The following CHRM3 variants were observed in gnomAD, a reference collection of about 807,000 sequenced individuals.
The protein encoded by CHRM3 is cholinergic receptor muscarinic 3.
Under a neutral mutation model 41.8 loss-of-function variants are expected in CHRM3, and 11 were observed. That is an observed-to-expected ratio of 0.26 (90% CI 0.17 to 0.44). The LOEUF is 0.44. Among genes scored for constraint, CHRM3 ranks in the 20% least tolerant of loss-of-function variants. The pLI, the probability that CHRM3 is intolerant of heterozygous loss-of-function variation, is 1.00. For synonymous variants in CHRM3, 297 were observed against 301.4 expected (o/e 0.99, Z 0.15); for missense variants, 571 against 745.4 (o/e 0.77, Z 2.72).
intron 5 of CHRM3, among the ~76,000 whole-genome samples, chr1:239,735,335 T>C (rs1444983859): frequency 6.6e-6 from 1 of 152,186 alleles, no homozygotes; most frequent in Non-Finnish European, 1.5e-5. Flanking sequence ...TACTGCCAGA[T>C]AGTCGTGTTC....
At chr1:239,679,119 A>G (rs1199528989) in intron 5 of CHRM3, among the ~76,000 whole-genome samples, 1 of 152,184 alleles carries the variant, frequency 6.6e-6, no homozygotes, top group Admixed American at 6.5e-5. Context: ...GTTTGTATAT[A>G]TAGTATGCAA....
At chr1:239,801,421 G>A (rs995537322) in intron 5 of CHRM3, among the ~76,000 whole-genome samples, 4 of 152,188 alleles carry the variant, frequency 2.6e-5, no homozygotes, top group African/African-American at 9.7e-5. Context: ...GATAAAGCAG[G>A]TTGATGCAAT....
chr1:239,402,298 G>T (rs562838039), intron 1 of CHRM3, among the ~76,000 whole-genome samples: 2 of 152,084 alleles, frequency 1.3e-5, no homozygotes, highest in South Asian at 4.2e-4. Context: ...CCCTCTTTAC[G>T]TGCAGCTTAT....
chr1:239,640,855 G>A (rs2148917787), intron 4 of CHRM3, among the ~76,000 whole-genome samples: 1 of 148,160 alleles, frequency 6.7e-6, no homozygotes, highest in African/African-American at 2.5e-5. Flanking sequence ...TAATTGTGAT[G>A]TTAGGGTGTC....
intron 4 of CHRM3, among the ~76,000 whole-genome samples, chr1:239,640,135 A>C (rs896282267): frequency 6.6e-5 from 10 of 151,236 alleles, no homozygotes; most frequent in African/African-American, 2.4e-4. Flanking sequence ...ATGGTGGATA[A>C]GCTTTTTGAT....
In CHRM3 at chr1:239,387,542, G is replaced by C. The variant is rs914096216; in HGVS notation, c.-521+315G>C. Reference sequence around the variant, plus strand: ...AATCATGCGAGCGGTGGCCGGGAGAGAGTCGGGGACGTCCCACCCCGCTCT... The same window carrying C: ...AATCATGCGAGCGGTGGCCGGGAGACAGTCGGGGACGTCCCACCCCGCTCT... On this transcript the variant is annotated intron_variant, in intron 1 of 6. Coordinates refer to ENST00000676153, the MANE Select transcript of CHRM3 (RefSeq NM_001375978.1). This position sits in a 1 kb window ranked among gnomAD's most constrained non-coding sequence, Gnocchi z 5.1. Among the ~76,000 whole-genome samples, 2 of 151,974 alleles carry C rather than the reference G, an allele frequency of 1.3e-5. No individual in the cohort carries two copies. The highest frequency in any genetic ancestry group is 2.9e-5 in the Non-Finnish European group (2 of 68,000).
At chr1:239,860,674 G>C (rs973179679) in intron 6 of CHRM3, among the ~76,000 whole-genome samples, 5 of 152,160 alleles carry the variant, frequency 3.3e-5, no homozygotes, top group African/African-American at 9.7e-5. Context: ...GGCAGAGTTT[G>C]TGTTAAGTAC....
intron 1 of CHRM3, among the ~76,000 whole-genome samples, chr1:239,406,553 G>C (rs994804146): frequency 1.3e-5 from 2 of 152,172 alleles, no homozygotes; most frequent in Non-Finnish European, 2.9e-5. Context: ...TGAAGCGAAA[G>C]CTGGCCCAAA....
intron 6 of CHRM3, among the ~76,000 whole-genome samples, chr1:239,836,804 G>T (rs1243767082): frequency 6.6e-6 from 1 of 152,046 alleles, no homozygotes; most frequent in Non-Finnish European, 1.5e-5. Flanking sequence ...GTGAAACCTT[G>T]TCTCCACTAA....
At chr1:239,713,624 T>C (rs1441037983) in intron 5 of CHRM3, among the ~76,000 whole-genome samples, 1 of 152,182 alleles carries the variant, frequency 6.6e-6, no homozygotes, top group East Asian at 1.9e-4. Flanking sequence ...GGCTTAGTTA[T>C]TCTATAGCTC....
intron 1 of CHRM3, among the ~76,000 whole-genome samples, chr1:239,409,279 C>G (rs1660885829): frequency 6.6e-6 from 1 of 152,090 alleles, no homozygotes; most frequent in Non-Finnish European, 1.5e-5. Context: ...TATTATGATA[C>G]AATACGTAAT....
intron 5 of CHRM3, among the ~76,000 whole-genome samples, chr1:239,781,083 T>C (rs1355848021): frequency 6.6e-6 from 1 of 152,192 alleles, no homozygotes; most frequent in Non-Finnish European, 1.5e-5. Context: ...GTATTGATTA[T>C]TCTGGATCTT....
chr1:239,859,099 G>T (rs1322058557), intron 6 of CHRM3, among the ~76,000 whole-genome samples: 1 of 152,170 alleles, frequency 6.6e-6, no homozygotes, highest in East Asian at 1.9e-4. Context: ...TTTCTTCTGG[G>T]CATATACCTA....
intron 1 of CHRM3, among the ~76,000 whole-genome samples, chr1:239,488,127 T>C (rs1667305169): frequency 1.3e-5 from 2 of 152,174 alleles, no homozygotes; most frequent in Non-Finnish European, 2.9e-5. Context: ...TGTGAGAGTG[T>C]AAATTGGTGC....
At chr1:239,736,933 A>T (rs1293553887) in intron 5 of CHRM3, among the ~76,000 whole-genome samples, 1 of 152,206 alleles carries the variant, frequency 6.6e-6, no homozygotes, top group African/African-American at 2.4e-5. Flanking sequence ...CTGAAAATGT[A>T]TGAATATACT....
At chr1:239,684,838 AT>A (rs1658979507) in intron 5 of CHRM3, among the ~76,000 whole-genome samples, 2 of 151,242 alleles carry the variant, frequency 1.3e-5, no homozygotes, top group South Asian at 4.2e-4. Flanking sequence ...GAGGATGAGA[AT>A]TTTCTGGGAC....
chr1:239,684,049 C>G (rs1000186372), intron 5 of CHRM3, among the ~76,000 whole-genome samples: 6 of 152,172 alleles, frequency 3.9e-5, no homozygotes, highest in Non-Finnish European at 8.8e-5. Flanking sequence ...ATAAGTAATT[C>G]ATGTATTTAG....
At chr1:239,394,659 C>T (rs902565589) in intron 1 of CHRM3, among the ~76,000 whole-genome samples, 6 of 152,206 alleles carry the variant, frequency 3.9e-5, no homozygotes, top group African/African-American at 7.2e-5. Context: ...AATTAACACT[C>T]ACCAGGGGGG....
intron 5 of CHRM3, among the ~76,000 whole-genome samples, chr1:239,810,785 T>C (rs1671058479): frequency 6.6e-6 from 1 of 152,246 alleles, no homozygotes; most frequent in South Asian, 2.1e-4. Flanking sequence ...TACCTGTTTA[T>C]CAACCCTTTG....
Sources: allele counts gnomAD v4.1 joint callset (sites outside exome capture counted in the v4.1 genomes callset), GRCh38; gene constraint gnomAD v4.1.1; non-coding constraint Gnocchi (gnomAD v3.1); transcripts MANE v1.5; gene names NCBI Gene and HGNC (gene_info 2026-07-23, HGNC 2026-07-21).